Variants in SIL1 observed in about 807,000 individuals in gnomAD.
SIL1 encodes the protein SIL1 nucleotide exchange factor.
SIL1 carries 40 observed loss-of-function variants against 49.1 expected under a neutral mutation model. The ratio of observed to expected loss-of-function variants is 0.81; its 90% CI spans 0.63 to 1.06. SIL1 has a LOEUF of 1.06. Ranked by LOEUF, SIL1 falls within the 50% of genes least tolerant of loss-of-function variation. The probability of loss-of-function intolerance (pLI) is 0.00; values close to 1 mark genes in which losing one functional copy is unlikely to be tolerated. For missense variants in SIL1, 500 were observed against 572.6 expected (o/e 0.87, Z 1.29); for synonymous variants, 253 against 250.8 (o/e 1.01, Z -0.08).
At chr5:139,018,231 A>G (rs1195069540) in intron 7 of SIL1, among the ~76,000 whole-genome samples, 4 of 152,150 alleles carry the variant, frequency 2.6e-5, no homozygotes, top group Admixed American at 2.6e-4. Context: ...CATCCACACA[A>G]ATGTATATCA....
chr5:139,036,381 A>G (rs529406335), intron 5 of SIL1, among the ~76,000 whole-genome samples: 4 of 152,332 alleles, frequency 2.6e-5, no homozygotes, highest in African/African-American at 7.2e-5. Context: ...CAGTTATCCC[A>G]GCAACATTTA....
chr5:139,001,358 T>A (rs1440268819), intron 7 of SIL1, among the ~76,000 whole-genome samples: 3 of 152,212 alleles, frequency 2.0e-5, no homozygotes, highest in African/African-American at 7.2e-5. Context: ...TTAAGGCATA[T>A]ATCCTAGGGA....
chr5:138,978,650 A>G (rs1004509178), intron 7 of SIL1, among the ~76,000 whole-genome samples: 12 of 152,180 alleles, frequency 7.9e-5, no homozygotes, highest in Non-Finnish European at 1.3e-4. Flanking sequence ...TTACATTTCC[A>G]CTAGCAGTAT....
intron 3 of SIL1, among the ~76,000 whole-genome samples, chr5:139,068,671 A>G (rs1769761061): frequency 6.7e-6 from 1 of 148,588 alleles, no homozygotes; most frequent in Non-Finnish European, 1.5e-5. Flanking sequence ...AAAAAAAAAA[A>G]AAAGAAGAGA....
intron 1 of SIL1, among the ~76,000 whole-genome samples, chr5:139,170,138 G>A (rs1261322852): frequency 1.3e-5 from 2 of 152,234 alleles, no homozygotes; most frequent in Non-Finnish European, 2.9e-5. Context: ...CGAGGTGCTG[G>A]GATTGCAGAC....
At chr5:139,056,576 G>A (rs1484462068) in intron 3 of SIL1, among the ~76,000 whole-genome samples, 3 of 149,870 alleles carry the variant, frequency 2.0e-5, no homozygotes, top group South Asian at 2.1e-4. Context: ...CCGGCCAGCC[G>A]CCCCGTCCGG....
chr5:139,062,516 G>T (rs189760395), intron 3 of SIL1, among the ~76,000 whole-genome samples: 1 of 152,134 alleles, frequency 6.6e-6, no homozygotes, highest in East Asian at 1.9e-4. Flanking sequence ...TACCCTGACA[G>T]CTCCCACCAT....
chr5:139,159,150 A>C (rs1449134656), intron 1 of SIL1, among the ~76,000 whole-genome samples: 1 of 152,168 alleles, frequency 6.6e-6, no homozygotes, highest in African/African-American at 2.4e-5. Flanking sequence ...CACATGCGCA[A>C]AACAGTTTCC....
At chr5:139,052,248 C>G (rs1769306764) in intron 3 of SIL1, among the ~76,000 whole-genome samples, 1 of 152,162 alleles carries the variant, frequency 6.6e-6, no homozygotes, top group Non-Finnish European at 1.5e-5. Flanking sequence ...ATCAAGATGC[C>G]AGGGATATCG....
intron 3 of SIL1, among the ~76,000 whole-genome samples, chr5:139,057,320 A>AAAAAAAAAAAAAAAC (rs1769473551): frequency 6.8e-6 from 1 of 146,592 alleles, no homozygotes; most frequent in Non-Finnish European, 1.5e-5. Context: ...TCAATAAAAA[A>AAAAAAAAAAAAAAAC]AAAAAAAAGA....
At chr5:139,068,655 G>GAAAAAAA (rs745799045) in intron 3 of SIL1, among the ~76,000 whole-genome samples, 4 of 64,772 alleles carry the variant, frequency 6.2e-5, no homozygotes, top group Non-Finnish European at 1.2e-4. Flanking sequence ...GAATGAAAAG[G>GAAAAAAA]AAAAAAAAAA....
intron 3 of SIL1, among the ~76,000 whole-genome samples, chr5:139,053,913 A>G (rs10038121): frequency 0.42 from 63,652 of 152,170 alleles, 14,117 homozygotes; most frequent in African/African-American, 0.58. Flanking sequence ...TTATTTATGT[A>G]GTGAATATAA....
chr5:138,974,744 C>T (rs917438649), intron 7 of SIL1, among the ~76,000 whole-genome samples: 7 of 152,172 alleles, frequency 4.6e-5, no homozygotes, highest in African/African-American at 1.7e-4. Flanking sequence ...CACTCAGAGT[C>T]GGTGAGCACA....
At chr5:139,118,732 T>C (rs1750536406) in intron 3 of SIL1, among the ~76,000 whole-genome samples, 1 of 152,164 alleles carries the variant, frequency 6.6e-6, no homozygotes, top group African/African-American at 2.4e-5. Flanking sequence ...AGTACCATAA[T>C]CTGGTTGAAG....
intron 5 of SIL1, among the ~76,000 whole-genome samples, chr5:139,027,998 A>G (rs551087495): frequency 1.8e-4 from 28 of 152,232 alleles, no homozygotes; most frequent in Admixed American, 1.7e-3. Flanking sequence ...CCACATCCTG[A>G]TTCTCTGGGC....
chr5:139,088,418 T>C (rs949759529), intron 3 of SIL1, among the ~76,000 whole-genome samples: 1 of 152,262 alleles, frequency 6.6e-6, no homozygotes, highest in Non-Finnish European at 1.5e-5. Context: ...GAGCTCATTC[T>C]ACCTGAAAAG....
At chr5:138,972,160 G>C (rs1767293768) in intron 7 of SIL1, among the ~76,000 whole-genome samples, 1 of 152,206 alleles carries the variant, frequency 6.6e-6, no homozygotes, top group Admixed American at 6.5e-5. Flanking sequence ...TGAGGCTTCA[G>C]TTCCTGAGCT....
At position 138,946,857 on chromosome 5, in the gene SIL1, T is replaced by TC; in HGVS notation, c.*259_*260insG. 1 of 538,382 alleles carries TC rather than the reference T, an allele frequency of 1.9e-6. No homozygotes were observed. Among genetic ancestry groups the TC allele is most frequent in the South Asian group, 2.1e-5 (1 of 47,846 alleles). The allele number at this position is 538,382 out of a possible 1,614,324, so 33.4% of individuals were successfully genotyped here. A position where few individuals can be genotyped will look rare whatever the true frequency, so the allele number is the denominator to read the frequency against. ...CTTGCAACTCCTGGGCCCAGGTTCCTGCCCTGGAGCCTGTTCCTGGATGCC... is the reference window on the plus strand; with the variant it reads ...CTTGCAACTCCTGGGCCCAGGTTCCTCGCCCTGGAGCCTGTTCCTGGATGCC... On this transcript the variant is annotated 3_prime_UTR_variant, in exon 10 of 10. Transcript: ENST00000394817.
chr5:139,048,369 GTTTTTTTTTTTT>G (rs35482601), intron 4 of SIL1, among the ~76,000 whole-genome samples: 1 of 87,780 alleles, frequency 1.1e-5, no homozygotes, highest in South Asian at 4.1e-4. Context: ...TTTGTTGTTG[GTTTTTTTTTTTT>G]TTTTTTTTTT....
Sources: gnomAD v4.1 joint callset for allele counts (sites outside exome capture counted in the v4.1 genomes callset) on GRCh38, gnomAD v4.1.1 for gene constraint, MANE v1.5 for transcripts, NCBI Gene and HGNC (gene_info 2026-07-23, HGNC 2026-07-21) for gene names.